Variants in PRUNE2 observed in about 807,000 individuals in gnomAD.
The protein encoded by PRUNE2 is protein prune homolog 2.
A neutral mutation model predicts 252.0 loss-of-function variants in PRUNE2; 164 were observed. The observed-to-expected ratio is 0.65, with a 90% CI of 0.57 to 0.74. The LOEUF is 0.74. Ranked by LOEUF, PRUNE2 falls within the 30% of genes least tolerant of loss-of-function variation. PRUNE2 has a pLI of 0.00. For synonymous variants in PRUNE2, 1,292 were observed against 1,350.2 expected, an observed-to-expected ratio of 0.96 and a Z score of 0.94; for missense variants, 3,495 against 3,711.0, an observed-to-expected ratio of 0.94 and a Z score of 1.51.
intron 6 of PRUNE2, among the ~76,000 whole-genome samples, chr9:76,714,246 T>A (rs936852709): frequency 6.6e-6 from 1 of 152,152 alleles, no homozygotes; most frequent in Non-Finnish European, 1.5e-5. Context: ...AAAAGAGCTG[T>A]GATGTCAGAT....
At position 76,710,878 on chromosome 9, in the gene PRUNE2, G is replaced by A. The variant is rs758824978; in HGVS notation, c.1396C>T (p.Leu466Phe). 32 of 1,542,826 alleles carry A rather than the reference G, an allele frequency of 2.1e-5. No individual in the cohort carries two copies. The South Asian group carries it at 4.0e-4, about 19-fold the overall frequency. Residue 466 changes from leucine (L) to phenylalanine (F), a missense_variant, in exon 8 of 19, where the codon CTT becomes TTT. Coordinates refer to ENST00000376718, the MANE Select transcript of PRUNE2 (RefSeq NM_015225.3). ...TCAGGGATGGGGCTGTAGGAGTCAA[G>A]CCCTGGGAGAAGGGTGTGGTGAGGC... ...AGPHHTLLPG[L>F]DSYSPIPEGA...
At chr9:76,883,254 G>A (rs189524044) in intron 1 of PRUNE2, among the ~76,000 whole-genome samples, 5 of 152,168 alleles carry the variant, frequency 3.3e-5, no homozygotes, top group East Asian at 1.9e-4. Flanking sequence ...AAAAAACCTC[G>A]AGTCGTCCAA....
intron 6 of PRUNE2, among the ~76,000 whole-genome samples, chr9:76,822,749 G>A (rs1011738870): frequency 6.6e-6 from 1 of 152,152 alleles, no homozygotes; most frequent in Non-Finnish European, 1.5e-5. Flanking sequence ...GGAGGTTGCA[G>A]TGAGCTGAGA....
At chr9:76,831,225 A>G (rs556418672) in intron 4 of PRUNE2, among the ~76,000 whole-genome samples, 29 of 152,230 alleles carry the variant, frequency 1.9e-4, no homozygotes, top group Admixed American at 7.2e-4. Context: ...CACCGCACCC[A>G]GCCAACAAAT....
intron 2 of PRUNE2, 27 bp from the exon 3 acceptor site, chr9:76,850,692 A>C: frequency 6.6e-7 from 1 of 1,513,190 alleles, no homozygotes; most frequent in Non-Finnish European, 9.2e-7. Flanking sequence ...TGACTGAATT[A>C]CTGAAAATAG....
rs147293776 is a variant in PRUNE2, at chr9:76,817,300, T to C, written c.756+6332A>G. On this transcript the variant is annotated intron_variant, in intron 6 of 18. Transcript: ENST00000376718. ...GCTAGAATAGGACTGGCCTGGGATTTGGGTCCTGGCTCTACAGATTAGAAA... is the reference window on the plus strand; with the variant it reads ...GCTAGAATAGGACTGGCCTGGGATTCGGGTCCTGGCTCTACAGATTAGAAA... Among the ~76,000 whole-genome samples the C allele has an allele frequency of 1.7e-3, 255 of 152,314 alleles. 1 individual carries two copies. In the Middle Eastern group the frequency reaches 0.024, roughly 14 times the overall value.
chr9:76,707,929 C>T lies in PRUNE2; in HGVS notation c.4345G>A (p.Gly1449Arg), dbSNP rs550747998. The T allele has an allele frequency of 6.2e-7, 1 of 1,613,864 alleles. No homozygotes were observed. The change falls in exon 8 of 19, where the codon GGG becomes AGG. Residue 1449 changes from glycine (G) to arginine (R), a missense_variant. By Grantham distance (125) the Gly-to-Arg change is moderately radical. Coordinates refer to ENST00000376718, the MANE Select transcript of PRUNE2 (RefSeq NM_015225.3). ...GATACATATTTTGTGAAATTCATCC[C>T]ATCTGAAGTCTCAGTAGTTTCACCT... ...NSGETTETSD[G>R]MNFTKYVSVP...
chr9:76,629,104 A>G, intron 16 of PRUNE2, 88 bp downstream of exon 16: 2 of 739,640 alleles, frequency 2.7e-6, no homozygotes, highest in Non-Finnish European at 4.4e-6. Flanking sequence ...CAGCCTCCCA[A>G]AGTGCTAGGA....
At position 76,706,223 on chromosome 9, in the gene PRUNE2, A is replaced by G. The variant is rs746021410; in HGVS notation, c.6051T>C (p.Asn2017=). 6.2e-7 allele frequency: 1 copy of G among 1,613,666 alleles called. No individual in the cohort carries two copies. ...GGGTGGGAGAACTGACAGCAGGAAAATTTTCTGTGGCAATGCTTGAATTTG... is the reference window on the plus strand; with the variant it reads ...GGGTGGGAGAACTGACAGCAGGAAAGTTTTCTGTGGCAATGCTTGAATTTG... ...EMTNSSIATE[N]FPAVSSPTQL... Residue 2017 remains asparagine (N), a synonymous_variant, in exon 8 of 19, where the codon AAT becomes AAC. Transcript: ENST00000376718.
rs565848837 is a variant in PRUNE2, at chr9:76,812,035, T to G, written c.756+11597A>C. On this transcript the variant is annotated intron_variant, in intron 6 of 18. Coordinates refer to ENST00000376718, the MANE Select transcript of PRUNE2 (RefSeq NM_015225.3). ...AAGAGGGGAAGTGATCAAACTGACA[T>G]GGAAAATCCATGATGTTGTCCAGAT... Among the ~76,000 whole-genome samples the G allele has an allele frequency of 1.1e-4, 17 of 152,300 alleles. No individual in the cohort carries two copies. In the East Asian group the frequency reaches 1.2e-3, roughly 10 times the overall value.
At chr9:76,873,758 A>G (rs749794707) in intron 1 of PRUNE2, among the ~76,000 whole-genome samples, 4 of 152,222 alleles carry the variant, frequency 2.6e-5, no homozygotes, top group Non-Finnish European at 5.9e-5. Flanking sequence ...CCCGATACAC[A>G]ATATCGATGG....
In PRUNE2 at chr9:76,706,099, C is replaced by T. The variant is rs1212415346; in HGVS notation, c.6175G>A (p.Glu2059Lys). 9 of 1,614,052 alleles carry T rather than the reference C, an allele frequency of 5.6e-6. No homozygotes were observed. The highest frequency in any genetic ancestry group is 1.1e-5 in the South Asian group (1 of 91,090). Residue 2059 changes from glutamate (E) to lysine (K), a missense_variant, in exon 8 of 19, where the codon GAG becomes AAG. Glu to Lys is a moderately conservative substitution (Grantham distance 56). Transcript: ENST00000376718. ...VPDILHGNFQ[E>K]GGQLASAAPD... ...GCGGCAGAGGCCAGCTGCCCACCCT[C>T]TTGAAAGTTGCCATGTAAAATATCT... is the stretch of plus-strand genomic sequence containing the variant.
chr9:76,697,690 G>T (rs1365780080), intron 9 of PRUNE2, among the ~76,000 whole-genome samples: 1 of 152,184 alleles, frequency 6.6e-6, no homozygotes, highest in Admixed American at 6.5e-5. Context: ...GCTTGTTTGG[G>T]CAGCTGTGTT....
Position 76,614,433 on chromosome 9 carries a change from T to C in PRUNE2, c.*137A>G. On this transcript the variant is annotated 3_prime_UTR_variant, in exon 19 of 19. Transcript: ENST00000376718. ...TCTTAAGAGTAAACAAACTTTCTATTTTTCCCCTTAGAAATTTAGAATGGC... is the reference window on the plus strand; with the variant it reads ...TCTTAAGAGTAAACAAACTTTCTATCTTTCCCCTTAGAAATTTAGAATGGC... The C allele has an allele frequency of 1.4e-6, 1 of 728,310 alleles. No homozygotes were observed. The highest frequency in any genetic ancestry group is 2.4e-6 in the Non-Finnish European group (1 of 422,206). 45.1% of individuals were successfully genotyped at this position (728,310 alleles called of 1,614,324 possible). A position where few individuals can be genotyped will look rare whatever the true frequency, so the allele number is the denominator to read the frequency against.
chr9:76,776,607 C>T (rs1475730550), intron 6 of PRUNE2, among the ~76,000 whole-genome samples: 1 of 150,300 alleles, frequency 6.7e-6, no homozygotes, highest in Admixed American at 6.7e-5. Context: ...ATCCGCCTCC[C>T]GAGTTCAAGC....
At chr9:76,724,449 C>G (rs955659798) in intron 6 of PRUNE2, among the ~76,000 whole-genome samples, 5 of 151,632 alleles carry the variant, frequency 3.3e-5, no homozygotes, top group South Asian at 2.1e-4. Context: ...TGCACTCCAA[C>G]CTGGGTGACA....
intron 6 of PRUNE2, among the ~76,000 whole-genome samples, chr9:76,815,492 C>T (rs1206720516): frequency 6.6e-6 from 1 of 152,128 alleles, no homozygotes; most frequent in Non-Finnish European, 1.5e-5. Context: ...AACATGTCCC[C>T]GCAAGCCGTT....
chr9:76,737,146 C>T (rs17062959), intron 6 of PRUNE2: 1 of 152,216 alleles, frequency 6.6e-6, no homozygotes, highest in Admixed American at 6.5e-5. Flanking sequence ...TCAATTGTAG[C>T]CTTGCTGTAT....
At chr9:76,740,904 A>C (rs1193238221) in intron 6 of PRUNE2, among the ~76,000 whole-genome samples, 3 of 152,100 alleles carry the variant, frequency 2.0e-5, no homozygotes, top group African/African-American at 7.2e-5. Context: ...TCTCCTAGAC[A>C]CTCTTACATA....
Sources: allele counts gnomAD v4.1 joint callset (sites outside exome capture counted in the v4.1 genomes callset), GRCh38; gene constraint gnomAD v4.1.1; transcripts MANE v1.5; gene names NCBI Gene and HGNC (gene_info 2026-07-23, HGNC 2026-07-21).